Variants in BCOR observed in about 807,000 individuals in gnomAD.
BCOR encodes the protein BCL6 corepressor.
BCOR carries 10 observed loss-of-function variants against 86.7 expected under a neutral mutation model. That is an observed-to-expected ratio of 0.12 (90% CI 0.07 to 0.20). BCOR has a LOEUF of 0.20. BCOR is among the 10% of genes least tolerant of loss of function. The pLI is 1.00. For missense variants in BCOR, 1,259 were observed against 1,452.1 expected (o/e 0.87, Z 2.16); for synonymous variants, 611 against 609.0 (o/e 1.00, Z -0.05).
chrX:40,127,837 C>T (rs766491549), intron 1 of BCOR, among the ~76,000 whole-genome samples: 8 of 105,652 alleles, frequency 7.6e-5, no homozygotes, highest in East Asian at 2.9e-4. Flanking sequence ...CATGCCACTG[C>T]GCTCCAGAGC....
At chrX:40,101,908 C>G (rs1293089365), upstream of BCOR, among the ~76,000 whole-genome samples, 1 of 112,102 alleles carries the variant, frequency 8.9e-6, no homozygotes, top group African/African-American at 3.2e-5. Flanking sequence ...TGTGAGGTAG[C>G]CTTTCTTTAA....
intron 7 of BCOR, 43 bp from the exon 8 acceptor site, chrX:40,063,995 G>C (rs373378221): frequency 6.7e-5 from 67 of 1,005,260 alleles, no homozygotes; most frequent in East Asian, 6.6e-5. Flanking sequence ...AGCCCCCCGG[G>C]GGGGAACAAA....
intron 1 of BCOR, among the ~76,000 whole-genome samples, chrX:40,164,830 G>C (rs957606418): frequency 6.2e-5 from 7 of 112,328 alleles, no homozygotes; most frequent in African/African-American, 1.9e-4. Context: ...TTTTCATTCT[G>C]ACCCCGACTA....
intron 2 of BCOR, 28 bp from the exon 3 acceptor site, chrX:40,076,560 G>C: frequency 9.3e-7 from 1 of 1,072,076 alleles, no homozygotes; most frequent in Non-Finnish European, 1.3e-6. Context: ...CCAACTTCAT[G>C]AAAGCATTCC....
At chrX:40,103,475 TGAA>T (rs1464747379) in intron 1 of BCOR, among the ~76,000 whole-genome samples, 2 of 109,865 alleles carry the variant, frequency 1.8e-5, no homozygotes, top group Non-Finnish European at 3.8e-5. Context: ...TTTTGAGAGA[TGAA>T]GGAGGGGAGA....
rs752884103 is a variant in BCOR, at chrX:40,074,650, C to G, written c.696G>C (p.Pro232=). ...CATTGGTGCAGACTGGAGAATACAG[C>G]GGCTGGGCCAAGCTGTAGGACTGCT... ...LPQQSYSLAQ[P]LYSPVCTNGE... The change falls in exon 4 of 15, where the codon CCG becomes CCC. Residue 232 remains proline (P), a synonymous_variant. Transcript: ENST00000378444. 3.3e-6 allele frequency: 4 copies of G among 1,211,891 alleles called. No individual in the cohort carries two copies. Among genetic ancestry groups the G allele is most frequent in the Non-Finnish European group, 4.5e-6 (4 of 895,492 alleles).
chrX:40,135,073 G>C (rs1937651889), intron 1 of BCOR, among the ~76,000 whole-genome samples: 2 of 111,565 alleles, frequency 1.8e-5, no homozygotes. Context: ...ATTATTCAAG[G>C]ACAGCAAGAG....
intron 7 of BCOR, 34 bp from the exon 8 acceptor site, chrX:40,063,986 GC>G: frequency 1.3e-6 from 1 of 744,718 alleles, no homozygotes; most frequent in South Asian, 2.5e-5. Flanking sequence ...TAATCAAAAA[GC>G]CCCCCGGGGG....
chrX:40,070,433 C>G (rs944887429), intron 6 of BCOR, among the ~76,000 whole-genome samples: 2 of 111,754 alleles, frequency 1.8e-5, no homozygotes, highest in African/African-American at 6.5e-5. Flanking sequence ...CTTCACATCA[C>G]TTGCCCTCCA....
intron 1 of BCOR, among the ~76,000 whole-genome samples, chrX:40,087,271 T>G (rs1316217765): frequency 8.8e-6 from 1 of 113,197 alleles, no homozygotes; most frequent in East Asian, 2.8e-4. Context: ...GCCCCACTGA[T>G]CAAAATGTCT....
At chrX:40,114,305 T>C (rs1937359969) in intron 1 of BCOR, among the ~76,000 whole-genome samples, 1 of 110,752 alleles carries the variant, frequency 9.0e-6, no homozygotes, top group Non-Finnish European at 1.9e-5. Context: ...GGGGAGACAC[T>C]GTCTTTTGGG....
rs759187500 is a variant in BCOR at position 40,064,318 on chromosome X, G to A, written c.3502+18C>T. On this transcript the variant is annotated intron_variant, in intron 7 of 14. Transcript: ENST00000378444. ...AAGGCCCACCCCCCGGCAGGCGGGC[G>A]AAGCAGACAGGGCTCACCTTTAGAG... 61 of 1,210,931 alleles carry A rather than the reference G, an allele frequency of 5.0e-5. No individual in the cohort carries two copies. Among genetic ancestry groups the A allele is most frequent in the Non-Finnish European group, 6.4e-5 (57 of 895,401 alleles).
intron 1 of BCOR, among the ~76,000 whole-genome samples, chrX:40,115,086 T>A (rs1049690145): frequency 1.8e-5 from 2 of 111,074 alleles, no homozygotes; most frequent in African/African-American, 6.6e-5. Flanking sequence ...TCTCTTGACC[T>A]TGTGATCTGC....
intron 6 of BCOR, among the ~76,000 whole-genome samples, chrX:40,068,809 T>C (rs769285415): frequency 8.8e-6 from 1 of 113,050 alleles, no homozygotes; most frequent in South Asian, 3.6e-4. Flanking sequence ...TAAGAGTCAA[T>C]GAAAATCCTA....
At chrX:40,129,633 C>T (rs1191998625) in intron 1 of BCOR, among the ~76,000 whole-genome samples, 1 of 110,097 alleles carries the variant, frequency 9.1e-6, no homozygotes, top group African/African-American at 3.3e-5. Flanking sequence ...GGAAACAGTC[C>T]AGACGGAGGG....
At chrX:40,058,256 T>C (rs1305694624) in intron 10 of BCOR, among the ~76,000 whole-genome samples, 1 of 112,416 alleles carries the variant, frequency 8.9e-6, no homozygotes, top group East Asian at 2.8e-4. Context: ...AGTAATTTAG[T>C]CCATGTTTTA....
intron 1 of BCOR, among the ~76,000 whole-genome samples, chrX:40,151,509 C>T (rs779850198): frequency 1.8e-5 from 2 of 112,635 alleles, no homozygotes; most frequent in Non-Finnish European, 3.8e-5. Context: ...CCTCACAGTT[C>T]CGATAAGGCT....
intron 1 of BCOR, among the ~76,000 whole-genome samples, chrX:40,107,185 C>A (rs747385319): frequency 8.9e-6 from 1 of 112,034 alleles, no homozygotes. Flanking sequence ...AGCCCCCTCC[C>A]GTATAGGATC....
chrX:40,083,709 C>T (rs1231602540), intron 1 of BCOR, among the ~76,000 whole-genome samples: 1 of 112,590 alleles, frequency 8.9e-6, no homozygotes, highest in Non-Finnish European at 1.9e-5. Flanking sequence ...TCCTCCTCCC[C>T]GCTCCTCGGC....
Sources: gnomAD v4.1 joint callset for allele counts (sites outside exome capture counted in the v4.1 genomes callset) on GRCh38, gnomAD v4.1.1 for gene constraint, MANE v1.5 for transcripts, NCBI Gene and HGNC (gene_info 2026-07-23, HGNC 2026-07-21) for gene names.